Variants in CES5A observed in about 807,000 individuals in gnomAD.
CES5A encodes carboxylesterase 5.
A neutral mutation model predicts 62.9 loss-of-function variants in CES5A; 67 were observed. That is an observed-to-expected ratio of 1.07 (90% CI 0.88 to 1.31). CES5A has a LOEUF of 1.31. CES5A is among the 50% of genes most tolerant of loss of function. The pLI is 0.00. For missense variants in CES5A, 748 were observed against 708.5 expected (o/e 1.06, Z -0.63); for synonymous variants, 296 against 280.8 (o/e 1.05, Z -0.54).
chr16:55,848,070 C>T (rs1466759599), intron 11 of CES5A, among the ~76,000 whole-genome samples: 1 of 152,094 alleles, frequency 6.6e-6, no homozygotes, highest in African/African-American at 2.4e-5. Flanking sequence ...GCCACCACAC[C>T]TGGCTAAGAC....
exon 1 of CES5A, chr16:55,955,948 C>A: frequency 6.7e-7 from 1 of 1,496,206 alleles, no homozygotes; most frequent in Non-Finnish European, 9.0e-7. Context: ...CACAGAGCCC[C>A]AGTCCTCTTG....
At chr16:55,927,091 T>C (rs1313535818), upstream of CES5A, among the ~76,000 whole-genome samples, 1 of 152,110 alleles carries the variant, frequency 6.6e-6, no homozygotes, top group Non-Finnish European at 1.5e-5. Context: ...AGAAATTAAC[T>C]CAAGATGAAT....
In CES5A at chr16:55,885,034, G is replaced by C. The variant is rs186089552; in HGVS notation, c.-255-10997C>G. On this transcript the variant is annotated intron_variant, in intron 1 of 12. Transcript: ENST00000518005. ...CTTAATCTTTCCCCAAGGCTGCCTT[G>C]ATCTCACACTTAGCCATTATCTGCT... Among the ~76,000 whole-genome samples, 310 of 152,242 alleles carry C rather than the reference G, an allele frequency of 2.0e-3. 3 individuals are homozygous for C. The highest frequency in any genetic ancestry group is 8.7e-4 in the Non-Finnish European group (59 of 68,000).
At chr16:55,909,570 G>GCGCACACACA in intron 1 of CES5A, among the ~76,000 whole-genome samples, 1 of 150,156 alleles carries the variant, frequency 6.7e-6, no homozygotes, top group East Asian at 2.0e-4. Context: ...GTGCGCACGT[G>GCGCACACACA]CACACACACA....
At chr16:55,872,911 T>C (rs1199106677) in intron 2 of CES5A, among the ~76,000 whole-genome samples, 1 of 152,120 alleles carries the variant, frequency 6.6e-6, no homozygotes, top group Admixed American at 6.6e-5. Context: ...CCCTGCGGCG[T>C]CCCCAAGCTT....
Position 55,852,925 on chromosome 16 carries a change from A to T in CES5A, c.1229T>A (p.Val410Glu). The T allele has an allele frequency of 6.2e-7, 1 of 1,614,160 alleles. No homozygotes were observed. The highest frequency in any genetic ancestry group is 8.5e-7 in the Non-Finnish European group (1 of 1,180,016). ...GATCAGTGCAGGGACCACAAAGAAC[A>T]CATCTCCAAGCAAGTCCAGAAGACT... The part of the protein sequence containing the change: ...RDSLLDLLGD[V>E]FFVVPALITA... Residue 410 changes from valine to glutamate, a missense_variant, in exon 10 of 13, where the codon GTG (valine) becomes GAG (glutamate). Coordinates refer to ENST00000290567, the MANE Select transcript of CES5A (RefSeq NM_001143685.2).
chr16:55,873,786 C>A, intron 2 of CES5A, 47 bp downstream of exon 2: 2 of 1,526,880 alleles, frequency 1.3e-6, no homozygotes, highest in Non-Finnish European at 1.8e-6. Flanking sequence ...TGAATTCCTG[C>A]CACTCCCAGA....
chr16:55,886,391 G>A (rs575452191), intron 1 of CES5A, among the ~76,000 whole-genome samples: 9 of 152,306 alleles, frequency 5.9e-5, no homozygotes, highest in African/African-American at 1.9e-4. Context: ...ATGGGAGTGG[G>A]ACAGTGTGTA....
Position 55,853,007 on chromosome 16 carries a change from G to A in CES5A, c.1147C>T (p.His383Tyr), listed in dbSNP as rs879017999. The change falls in exon 10 of 13, where the codon CAC becomes TAC. Residue 383 changes from histidine (H) to tyrosine (Y), a missense_variant. His to Tyr is a moderately conservative substitution (Grantham distance 83, BLOSUM62 2). Transcript: ENST00000290567. ...NILHIPPQYLHLVANEYFHDK... is the reference protein window; with the variant it reads ...NILHIPPQYLYLVANEYFHDK... ...TGGAAGTATTCATTAGCCACAAGGT[G>A]CAAATACTGAGGCGGGATGTGCTGT... The A allele has an allele frequency of 6.2e-7, 1 of 1,614,150 alleles. No homozygotes were observed. Among genetic ancestry groups the A allele is most frequent in the Non-Finnish European group, 8.5e-7 (1 of 1,180,026 alleles).
chr16:55,924,344 C>A (rs1350579600), intron 1 of CES5A, among the ~76,000 whole-genome samples: 1 of 151,610 alleles, frequency 6.6e-6, no homozygotes, highest in African/African-American at 2.4e-5. Flanking sequence ...ATATAAAATA[C>A]CTAGTAATCA....
intron 1 of CES5A, among the ~76,000 whole-genome samples, chr16:55,899,057 T>A (rs941039720): frequency 5.3e-5 from 8 of 151,984 alleles, no homozygotes; most frequent in Non-Finnish European, 1.2e-4. Flanking sequence ...ACAACATAAC[T>A]CAGAATGAAT....
chr16:55,847,503 A>G lies in CES5A; in HGVS notation c.1424-663T>C, dbSNP rs566534566. Among the ~76,000 whole-genome samples, 281 of 152,260 alleles carry G rather than the reference A, an allele frequency of 1.8e-3. 1 individual carries two copies. Among genetic ancestry groups the G allele is most frequent in the African/African-American group, 6.4e-3 (265 of 41,542 alleles). On this transcript the variant is annotated intron_variant, in intron 11 of 12. Transcript: ENST00000290567. ...AGAAAGAGATCTAATATCCAATGAA[A>G]ATGTTTCCCTTTCATCTCTTCCCTG...
At chr16:55,869,409 G>A (rs2033535336) in intron 4 of CES5A, 4 of 1,010,264 alleles carry the variant, frequency 4.0e-6, no homozygotes, top group Non-Finnish European at 5.3e-6. Flanking sequence ...TTACCCAAGT[G>A]AGAAAGAGAT....
chr16:55,856,430 T>C lies in CES5A; in HGVS notation c.1072A>G (p.Ile358Val). 2.5e-6 allele frequency: 4 copies of C among 1,614,050 alleles called. No individual in the cohort carries two copies. The South Asian group carries it at 4.4e-5, about 18-fold the overall frequency. Residue 358 changes from isoleucine to valine, a missense_variant, in exon 9 of 13, where the codon ATC becomes GTC. Physicochemically the swap from Ile to Val is conservative, Grantham distance 29. Coordinates refer to ENST00000290567, the MANE Select transcript of CES5A (RefSeq NM_001143685.2). ...AGGGACTTGTTGGAGCCACTGAGGATCTCAGGAGCCTCCTTCTGTGGAGAG... is the reference window on the plus strand; with the variant it reads ...AGGGACTTGTTGGAGCCACTGAGGACCTCAGGAGCCTCCTTCTGTGGAGAG... ...FLLPMKEAPEILSGSNKSLAL... is the reference protein window; with the variant it reads ...FLLPMKEAPEVLSGSNKSLAL...
intron 3 of CES5A, 98 bp downstream of exon 3, chr16:55,871,526 CA>C (rs2033584447): frequency 7.4e-7 from 1 of 1,358,938 alleles, no homozygotes; most frequent in East Asian, 2.4e-5. Flanking sequence ...TTTTACCCAA[CA>C]GGGGGTAGTT....
intron 9 of CES5A, among the ~76,000 whole-genome samples, chr16:55,855,809 G>A (rs1343507970): frequency 1.3e-5 from 2 of 152,084 alleles, no homozygotes; most frequent in Non-Finnish European, 2.9e-5. Flanking sequence ...TTGGGTTTGT[G>A]GGACTATTGA....
Position 55,887,867 on chromosome 16 carries a change from G to A in CES5A, c.-255-13830C>T, listed in dbSNP as rs1450174280. Among the ~76,000 whole-genome samples the A allele has an allele frequency of 3.3e-5, 5 of 152,174 alleles. No homozygotes were observed. The East Asian group carries it at 9.6e-4, about 29-fold the overall frequency. On this transcript the variant is annotated intron_variant, in intron 1 of 12. Transcript: ENST00000518005. ...AGCAATGGGCAGAATCAGCAAGAAA[G>A]GAGCTGACTCCAGGGAAGCAAAGGC... is the stretch of plus-strand genomic sequence containing the variant.
At chr16:55,953,860 T>A in intron 1 of CES5A, among the ~76,000 whole-genome samples, 1 of 152,192 alleles carries the variant, frequency 6.6e-6, no homozygotes, top group East Asian at 1.9e-4. Context: ...GTCCATCACC[T>A]CAAGCATCTG....
In CES5A at chr16:55,852,941, C is replaced by T; in HGVS notation, c.1213G>A (p.Asp405Asn). 1 of 1,614,154 alleles carries T rather than the reference C, an allele frequency of 6.2e-7. No homozygotes were observed. Among genetic ancestry groups the T allele is most frequent in the Non-Finnish European group, 8.5e-7 (1 of 1,180,020 alleles). ...ACAAAGAACACATCTCCAAGCAAGT[C>T]CAGAAGACTGTCTCGGATTTCAGTC... The part of the protein sequence containing the change: ...SLTEIRDSLL[D>N]LLGDVFFVVP... The change falls in exon 10 of 13, where the codon GAC becomes AAC. Residue 405 changes from aspartate to asparagine, a missense_variant. Physicochemically the swap from Asp to Asn is conservative, Grantham distance 23. Transcript: ENST00000290567.
Sources: allele counts gnomAD v4.1 joint callset (sites outside exome capture counted in the v4.1 genomes callset), GRCh38; gene constraint gnomAD v4.1.1; transcripts MANE v1.5; gene names NCBI Gene and HGNC (gene_info 2026-07-23, HGNC 2026-07-21).